EFCAB10: variants seen among roughly 807,000 people sequenced by gnomAD.
The protein encoded by EFCAB10 is EF-hand calcium-binding domain-containing protein 10.
EFCAB10 carries 7 observed loss-of-function variants against 7.7 expected under a neutral mutation model. The ratio of observed to expected loss-of-function variants is 0.91; its 90% CI spans 0.52 to 1.72. The LOEUF (loss-of-function observed/expected upper bound fraction) is 1.72, where lower values mean the gene tolerates loss of function less well. Ranked by LOEUF, EFCAB10 falls within the 40% of genes most tolerant of loss-of-function variation. EFCAB10 has a pLI of 0.00. For synonymous variants in EFCAB10, 52 were observed against 21.0 expected (o/e 2.47, Z -4.03); for missense variants, 112 against 61.5 (o/e 1.82, Z -2.74).
intron 1 of EFCAB10, among the ~76,000 whole-genome samples, chr7:105,575,111 GTC>G (rs1292281824): frequency 1.5e-5 from 2 of 136,358 alleles, no homozygotes; most frequent in Admixed American, 7.5e-5. Context: ...GCGAAACTCT[GTC>G]TCAAAAAAAA....
chr7:105,565,419 A>G lies in EFCAB10; in HGVS notation c.*28T>C, dbSNP rs758518451. The G allele has an allele frequency of 3.7e-6, 6 of 1,614,190 alleles. No homozygotes were observed. The South Asian group carries it at 6.6e-5, about 18-fold the overall frequency. Reference sequence around the variant, plus strand: ...CTCCTTATTTAAAATTTTCTGGCAAATGCTTGTAGAGAAGCTGGATGTATA... The same window carrying G: ...CTCCTTATTTAAAATTTTCTGGCAAGTGCTTGTAGAGAAGCTGGATGTATA... On this transcript the variant is annotated 3_prime_UTR_variant, in exon 5 of 5. Coordinates refer to ENST00000480514, the MANE Select transcript of EFCAB10 (RefSeq NM_001355526.2).
At chr7:105,579,294 G>A (rs1403649422) in intron 1 of EFCAB10, among the ~76,000 whole-genome samples, 10 of 152,142 alleles carry the variant, frequency 6.6e-5, no homozygotes, top group South Asian at 2.1e-4. Flanking sequence ...AGGGGAAGCC[G>A]TGAATAACCA....
chr7:105,580,172 A>T (rs756363465), intron 1 of EFCAB10, among the ~76,000 whole-genome samples: 1 of 152,100 alleles, frequency 6.6e-6, no homozygotes, highest in Non-Finnish European at 1.5e-5. Flanking sequence ...TTTTTAATAG[A>T]GATGGGGTTT....
chr7:105,579,399 C>A (rs1458813888), intron 1 of EFCAB10, among the ~76,000 whole-genome samples: 1 of 151,944 alleles, frequency 6.6e-6, no homozygotes, highest in African/African-American at 2.4e-5. Flanking sequence ...CCAATGAATG[C>A]AAATGTAATG....
intron 1 of EFCAB10, among the ~76,000 whole-genome samples, chr7:105,570,632 G>A (rs1791926119): frequency 6.6e-6 from 1 of 151,892 alleles, no homozygotes. Context: ...CCAGTCTCGA[G>A]CTCATGGGCT....
intron 1 of EFCAB10, among the ~76,000 whole-genome samples, chr7:105,578,964 G>C (rs924722039): frequency 6.6e-6 from 1 of 152,032 alleles, no homozygotes; most frequent in Non-Finnish European, 1.5e-5. Context: ...GTAGAGATGG[G>C]GTTTCACCAT....
intron 3 of EFCAB10, among the ~76,000 whole-genome samples, chr7:105,568,983 G>C (rs1791865765): frequency 6.7e-6 from 1 of 149,352 alleles, no homozygotes; most frequent in Non-Finnish European, 1.5e-5. Context: ...GAATGGAGCT[G>C]CCTCTGGAAC....
At chr7:105,575,816 T>A (rs533057409) in intron 1 of EFCAB10, among the ~76,000 whole-genome samples, 1 of 152,170 alleles carries the variant, frequency 6.6e-6, no homozygotes, top group East Asian at 1.9e-4. Flanking sequence ...GGTGGGAGGA[T>A]CGCCTGAGGT....
chr7:105,570,790 C>T (rs1250869096), intron 1 of EFCAB10, among the ~76,000 whole-genome samples: 6 of 152,182 alleles, frequency 3.9e-5, no homozygotes, highest in South Asian at 2.1e-4. Flanking sequence ...TTTGGGACGC[C>T]GAGGCAGGTG....
Position 105,565,790 on chromosome 7 carries a change from T to C in EFCAB10, c.*-343A>G, listed in dbSNP as rs947626565. On this transcript the variant is annotated intron_variant, in intron 4 of 4. Coordinates refer to ENST00000480514, the MANE Select transcript of EFCAB10 (RefSeq NM_001355526.2). Reference sequence around the variant, plus strand: ...AAACATTGTCTATCTACTGTATGCTTACAGCACAATGGGGAAACCAAGATG... The same window carrying C: ...AAACATTGTCTATCTACTGTATGCTCACAGCACAATGGGGAAACCAAGATG... The C allele has an allele frequency of 7.3e-5, 44 of 602,608 alleles. 1 individual carries two copies. In the South Asian group the frequency reaches 9.8e-4, roughly 13 times the overall value. The allele number at this position is 602,608 out of a possible 1,614,324, so 37.3% of individuals were successfully genotyped here.
chr7:105,565,726 T>C (rs1284433100), intron 4 of EFCAB10: 1 of 927,384 alleles, frequency 1.1e-6, no homozygotes, highest in Non-Finnish European at 1.7e-6. Flanking sequence ...TTTAGGGTTC[T>C]GGAGATGTTT....
chr7:105,567,743 G>A (rs1053100914), intron 3 of EFCAB10: 2 of 419,728 alleles, frequency 4.8e-6, no homozygotes, highest in African/African-American at 2.0e-5. Context: ...ATTTCCATGA[G>A]GAAACTGGCA....
At chr7:105,579,697 A>G (rs1292431780) in intron 1 of EFCAB10, among the ~76,000 whole-genome samples, 2 of 152,208 alleles carry the variant, frequency 1.3e-5, no homozygotes, top group Admixed American at 6.5e-5. Context: ...GCATAAAGCT[A>G]GTATCTAACC....
At chr7:105,568,304 T>C (rs922688194) in intron 3 of EFCAB10, among the ~76,000 whole-genome samples, 1 of 152,198 alleles carries the variant, frequency 6.6e-6, no homozygotes, top group African/African-American at 2.4e-5. Flanking sequence ...ACTAATAAAA[T>C]CTCAGAGTAA....
chr7:105,566,594 C>T (rs1211291162), intron 4 of EFCAB10: 1 of 151,744 alleles, frequency 6.6e-6, no homozygotes, highest in Non-Finnish European at 1.5e-5. Context: ...GAGCTATGAT[C>T]GTGCAGTTTC....
chr7:105,574,112 C>T (rs1792009749), intron 1 of EFCAB10, among the ~76,000 whole-genome samples: 1 of 122,728 alleles, frequency 8.1e-6, no homozygotes, highest in Non-Finnish European at 1.7e-5. Flanking sequence ...CATACACACA[C>T]ACAATGTGTG....
intron 1 of EFCAB10, among the ~76,000 whole-genome samples, chr7:105,577,870 C>T (rs867731893): frequency 2.2e-4 from 34 of 152,170 alleles, no homozygotes; most frequent in African/African-American, 7.7e-4. Context: ...GCATGTGCCA[C>T]TACACCTGAT....
chr7:105,576,302 C>G (rs1792076483), intron 1 of EFCAB10, among the ~76,000 whole-genome samples: 1 of 152,190 alleles, frequency 6.6e-6, no homozygotes, highest in African/African-American at 2.4e-5. Context: ...AAAACTTCAA[C>G]AGCACTGCAT....
At chr7:105,580,093 C>T (rs1480598598) in intron 1 of EFCAB10, among the ~76,000 whole-genome samples, 1 of 152,082 alleles carries the variant, frequency 6.6e-6, no homozygotes. Context: ...TCACGTGATC[C>T]TCCCACATCA....
Sources: allele counts gnomAD v4.1 joint callset (sites outside exome capture counted in the v4.1 genomes callset), GRCh38; gene constraint gnomAD v4.1.1; transcripts MANE v1.5; gene names NCBI Gene and HGNC (gene_info 2026-07-23, HGNC 2026-07-21).